The following ARHGEF28 variants were observed in gnomAD, a reference collection of about 807,000 sequenced individuals.
ARHGEF28 encodes the protein Rho guanine nucleotide exchange factor 28, also known as 190 kDa guanine nucleotide exchange factor.
In ARHGEF28, 152 loss-of-function variants were observed where a neutral mutation model predicts 206.6. The ratio of observed to expected loss-of-function variants is 0.74; its 90% CI spans 0.64 to 0.84. ARHGEF28 has a LOEUF of 0.84. ARHGEF28 is among the 40% of genes least tolerant of loss of function. ARHGEF28 has a pLI of 0.00. For synonymous variants in ARHGEF28, 763 were observed against 776.4 expected (o/e 0.98, Z 0.29); for missense variants, 2,028 against 2,073.2 (o/e 0.98, Z 0.42).
chr5:73,822,523 C>T (rs969553445), intron 9 of ARHGEF28, among the ~76,000 whole-genome samples: 2 of 152,136 alleles, frequency 1.3e-5, no homozygotes, highest in African/African-American at 4.8e-5. Context: ...ACCTCAGGTC[C>T]AACTCAGAAG....
chr5:73,836,358 G>A (rs1295997393), intron 10 of ARHGEF28, among the ~76,000 whole-genome samples: 1 of 149,170 alleles, frequency 6.7e-6, no homozygotes, highest in Non-Finnish European at 1.5e-5. Context: ...GGTGTGAGGT[G>A]GTATCTCATT....
intron 7 of ARHGEF28, among the ~76,000 whole-genome samples, chr5:73,780,995 G>A (rs911627747): frequency 7.2e-5 from 11 of 152,108 alleles, no homozygotes; most frequent in Non-Finnish European, 1.3e-4. Context: ...AGGTCCTCTC[G>A]CATTCCTGAT....
At chr5:73,708,088 C>CCTGT (rs1749039365) in intron 2 of ARHGEF28, among the ~76,000 whole-genome samples, 1 of 151,964 alleles carries the variant, frequency 6.6e-6, no homozygotes, top group South Asian at 2.1e-4. Context: ...AGAATATAGA[C>CCTGT]CTGTCCCCTG....
chr5:73,798,764 G>A (rs938251311), intron 9 of ARHGEF28, among the ~76,000 whole-genome samples: 3 of 152,162 alleles, frequency 2.0e-5, no homozygotes, highest in Non-Finnish European at 4.4e-5. Flanking sequence ...GGTCTACTTG[G>A]CTCAAGTAAA....
intron 1 of ARHGEF28, among the ~76,000 whole-genome samples, chr5:73,675,011 A>C (rs1384379239): frequency 6.6e-6 from 1 of 152,234 alleles, no homozygotes; most frequent in Non-Finnish European, 1.5e-5. Context: ...TCTGTGAGCC[A>C]CACTAGGAAA....
chr5:73,893,452 A>G, intron 28 of ARHGEF28, 164 bp downstream of exon 28: 2 of 454,660 alleles, frequency 4.4e-6, no homozygotes, highest in Non-Finnish European at 3.9e-6. Context: ...TGCTCAAATA[A>G]GATGACATTC....
At chr5:73,725,850 G>A (rs551448327) in intron 2 of ARHGEF28, among the ~76,000 whole-genome samples, 3 of 152,316 alleles carry the variant, frequency 2.0e-5, no homozygotes, top group Non-Finnish European at 4.4e-5. Flanking sequence ...TCTGAGAAGA[G>A]TTTAAAGATT....
rs901609558 is a variant in ARHGEF28 at position 73,766,152 on chromosome 5, T to C, written c.476-7703T>C. Among the ~76,000 whole-genome samples, 571 of 123,080 alleles carry C rather than the reference T, an allele frequency of 4.6e-3. 11 individuals are homozygous for C. Among genetic ancestry groups the C allele is most frequent in the Admixed American group, 0.04 (504 of 12,566 alleles). 80.7% of individuals were successfully genotyped at this position (123,080 alleles called of 152,430 possible). ...CTGGGCTAAAGAGCAGGACTCCATC[T>C]CAAAAAAAAAAAAACAAAAAACAAA... On this transcript the variant is annotated intron_variant, in intron 4 of 35. Transcript: ENST00000513042.
At chr5:73,633,005 C>T (rs986930500) in intron 1 of ARHGEF28, among the ~76,000 whole-genome samples, 1 of 151,738 alleles carries the variant, frequency 6.6e-6, no homozygotes, top group African/African-American at 2.4e-5. Context: ...ACTAGATGGT[C>T]CTACCTGGGG....
At chr5:73,875,104 T>C (rs201943996) in intron 22 of ARHGEF28, among the ~76,000 whole-genome samples, 66,709 of 131,288 alleles carry the variant, frequency 0.51, 14,720 homozygotes, top group African/African-American at 0.61. Context: ...TTTTAATGAT[T>C]GCCATTCTAA....
At chr5:73,891,072 A>G (rs1219499769) in intron 26 of ARHGEF28, among the ~76,000 whole-genome samples, 1 of 152,208 alleles carries the variant, frequency 6.6e-6, no homozygotes, top group Non-Finnish European at 1.5e-5. Context: ...AACTAGTCCT[A>G]CCAACATTTA....
chr5:73,939,436 G>A (rs1486702080), intron 35 of ARHGEF28, among the ~76,000 whole-genome samples: 1 of 152,166 alleles, frequency 6.6e-6, no homozygotes, highest in Non-Finnish European at 1.5e-5. Flanking sequence ...TCAGGGATGG[G>A]CTAAGCCTTT....
At chr5:73,710,339 T>C (rs936993466) in intron 2 of ARHGEF28, among the ~76,000 whole-genome samples, 1 of 152,252 alleles carries the variant, frequency 6.6e-6, no homozygotes, top group African/African-American at 2.4e-5. Context: ...GCTTACTTGC[T>C]ATTTATAGCT....
chr5:73,676,064 CTTTTCTTTTTTTTT>C (rs1254014109), intron 1 of ARHGEF28, among the ~76,000 whole-genome samples: 2,315 of 114,088 alleles, frequency 0.02, 49 homozygotes, highest in African/African-American at 0.063. Flanking sequence ...ATTTGATTTT[CTTTTCTTTTTTTTT>C]TTTTTTTTTG....
intron 1 of ARHGEF28, among the ~76,000 whole-genome samples, chr5:73,630,472 A>G (rs886655975): frequency 1.4e-4 from 21 of 152,350 alleles, no homozygotes; most frequent in African/African-American, 5.0e-4. Context: ...TCCGTGATTT[A>G]ATTTACAGAG....
chr5:73,634,694 G>A (rs891752349), intron 1 of ARHGEF28, among the ~76,000 whole-genome samples: 4 of 152,146 alleles, frequency 2.6e-5, no homozygotes, highest in Non-Finnish European at 5.9e-5. Flanking sequence ...CCAGCAGCCT[G>A]GAACTGATTC....
chr5:73,904,234 A>C lies in ARHGEF28; in HGVS notation c.4087A>C (p.Asn1363His), dbSNP rs1242292306. The C allele has an allele frequency of 6.2e-7, 1 of 1,613,924 alleles. No homozygotes were observed. Residue 1363 changes from asparagine (N) to histidine (H), a missense_variant, in exon 32 of 36, where the codon AAT (asparagine) becomes CAT (histidine). By Grantham distance (68) the Asn-to-His change is moderately conservative. Around this residue, in one of 3 missense-constraint regions of ARHGEF28, gnomAD observed 803 missense variants for 768.0 expected, o/e 1.05. Coordinates refer to ENST00000513042, the MANE Select transcript of ARHGEF28 (RefSeq NM_001177693.2). ...TTATGTATTTTAGGTGGAATGTAGA[A>C]ATTTTCCAGGTTCTTCACAATCAGA... The part of the protein sequence containing the change: ...SDAGEKVECR[N>H]FPGSSQSEII...
At chr5:73,650,634 CCTT>C (rs772802979) in intron 1 of ARHGEF28, among the ~76,000 whole-genome samples, 18 of 151,896 alleles carry the variant, frequency 1.2e-4, no homozygotes, top group East Asian at 7.8e-4. Flanking sequence ...GCTTCTTCTT[CCTT>C]CTTCTTAATT....
intron 6 of ARHGEF28, among the ~76,000 whole-genome samples, chr5:73,777,770 T>C (rs936101083): frequency 2.6e-5 from 4 of 152,124 alleles, no homozygotes; most frequent in African/African-American, 9.7e-5. Context: ...AGGATGCTTG[T>C]CATTTAAAAC....
Sources: gnomAD v4.1 joint callset for allele counts (sites outside exome capture counted in the v4.1 genomes callset) on GRCh38, gnomAD v4.1.1 for gene constraint, gnomAD v4.1.1 regional missense constraint, MANE v1.5 for transcripts, NCBI Gene and HGNC (gene_info 2026-07-23, HGNC 2026-07-21) for gene names.